Variants in FAR2 observed in about 807,000 individuals in gnomAD.
FAR2 encodes the protein epididymis secretory protein Li 81.
A neutral mutation model predicts 56.0 loss-of-function variants in FAR2; 19 were observed. That is an observed-to-expected ratio of 0.34 (90% CI 0.24 to 0.50). FAR2 has a LOEUF of 0.50. Among genes scored for constraint, FAR2 ranks in the 20% least tolerant of loss-of-function variants. The pLI is 0.98. For missense variants in FAR2, 508 were observed against 642.2 expected (o/e 0.79, Z 2.26); for synonymous variants, 219 against 218.8 (o/e 1.00, Z -0.01).
rs142581077 is a variant in FAR2, at chr12:29,268,810, C to T, written c.-38-1602C>T. ...GAGAGAAATTTTAAAGCTGGGCATC[C>T]GGGGGAGACATCACATGTCGGTAGG... is the stretch of plus-strand genomic sequence containing the variant. On this transcript the variant is annotated intron_variant, in intron 1 of 11. Transcript: ENST00000536681. Among the ~76,000 whole-genome samples the T allele has an allele frequency of 6.7e-3, 1,018 of 152,048 alleles. 11 individuals are homozygous for T. The highest frequency in any genetic ancestry group is 0.022 in the African/African-American group (924 of 41,464).
chr12:29,255,413 G>A (rs1194450684), intron 1 of FAR2, among the ~76,000 whole-genome samples: 1 of 152,100 alleles, frequency 6.6e-6, no homozygotes, highest in African/African-American at 2.4e-5. Context: ...CTATCACACT[G>A]TAGGCTAGGG....
chr12:29,232,871 G>A (rs1273870188), intron 1 of FAR2, among the ~76,000 whole-genome samples: 1 of 150,562 alleles, frequency 6.6e-6, no homozygotes, highest in Admixed American at 6.6e-5. Context: ...ACTCTTCATG[G>A]GAAAATTATT....
At chr12:29,268,313 G>A (rs894384408) in intron 1 of FAR2, among the ~76,000 whole-genome samples, 1 of 152,154 alleles carries the variant, frequency 6.6e-6, no homozygotes, top group African/African-American at 2.4e-5. Context: ...TGGACAGAAA[G>A]GAAGATCTTC....
intron 1 of FAR2, among the ~76,000 whole-genome samples, chr12:29,168,796 G>T (rs964063263): frequency 6.6e-6 from 1 of 152,210 alleles, no homozygotes; most frequent in Non-Finnish European, 1.5e-5. Context: ...AAGAGCAAAA[G>T]AACAAAACTT....
At chr12:29,219,556 T>C (rs1947661006) in intron 1 of FAR2, among the ~76,000 whole-genome samples, 1 of 152,120 alleles carries the variant, frequency 6.6e-6, no homozygotes, top group African/African-American at 2.4e-5. Context: ...ACCTAGGGAA[T>C]CTGCATCATG....
At chr12:29,196,637 G>GGAT in intron 1 of FAR2, among the ~76,000 whole-genome samples, 2 of 152,094 alleles carry the variant, frequency 1.3e-5, no homozygotes, top group Admixed American at 1.3e-4. Flanking sequence ...AGACCTACAT[G>GGAT]TAAGACATGA....
At chr12:29,190,776 G>A (rs545893376) in intron 1 of FAR2, among the ~76,000 whole-genome samples, 10 of 120,194 alleles carry the variant, frequency 8.3e-5, no homozygotes, top group African/African-American at 2.6e-4. Flanking sequence ...ATTCACGGTG[G>A]TTTTTATCTG....
intron 1 of FAR2, among the ~76,000 whole-genome samples, chr12:29,241,204 G>C (rs996926783): frequency 6.6e-6 from 1 of 152,174 alleles, no homozygotes; most frequent in African/African-American, 2.4e-5. Flanking sequence ...GTATGTGTGT[G>C]TACAAATATA....
intron 1 of FAR2, among the ~76,000 whole-genome samples, chr12:29,191,273 C>T (rs1950100968): frequency 1.3e-5 from 2 of 152,244 alleles, no homozygotes; most frequent in South Asian, 4.1e-4. Flanking sequence ...GCATTTCCCC[C>T]ATCTCTACCC....
intron 1 of FAR2, among the ~76,000 whole-genome samples, 163 bp from the exon 2 acceptor site, chr12:29,270,249 T>C (rs1948592566): frequency 6.6e-6 from 1 of 152,228 alleles, no homozygotes. Flanking sequence ...TCAATAAATA[T>C]TGATTGGAAT....
intron 1 of FAR2, among the ~76,000 whole-genome samples, chr12:29,256,684 C>T (rs184136363): frequency 2.0e-5 from 3 of 152,294 alleles, no homozygotes; most frequent in African/African-American, 4.8e-5. Context: ...GTGGCACTTG[C>T]GGGCCAGCTG....
intron 1 of FAR2, among the ~76,000 whole-genome samples, chr12:29,247,149 T>C (rs983344516): frequency 2.0e-5 from 3 of 152,174 alleles, no homozygotes; most frequent in Admixed American, 6.5e-5. Flanking sequence ...ATTTCCAGTT[T>C]ACTATATTAT....
At chr12:29,303,210 G>T (rs972993122) in intron 4 of FAR2, among the ~76,000 whole-genome samples, 8 of 152,164 alleles carry the variant, frequency 5.3e-5, no homozygotes, top group African/African-American at 1.9e-4. Context: ...TAACTCTGCA[G>T]ATGTATTTAG....
intron 2 of FAR2, among the ~76,000 whole-genome samples, chr12:29,284,659 T>C (rs2136732383): frequency 6.6e-6 from 1 of 152,336 alleles, no homozygotes; most frequent in Middle Eastern, 3.4e-3. Flanking sequence ...TATTGAATCC[T>C]TTTGAGACTA....
At chr12:29,251,507 A>G (rs1390785418) in intron 1 of FAR2, among the ~76,000 whole-genome samples, 2 of 152,172 alleles carry the variant, frequency 1.3e-5, no homozygotes, top group Non-Finnish European at 2.9e-5. Context: ...CAGGTGATCA[A>G]TGCAGTTTTA....
chr12:29,175,751 A>G (rs1178010429), intron 1 of FAR2, among the ~76,000 whole-genome samples: 1 of 152,120 alleles, frequency 6.6e-6, no homozygotes, highest in Admixed American at 6.5e-5. Context: ...TGCGTTTACA[A>G]TCCTTTAGCG....
rs368528092 is a variant in FAR2 at position 29,217,669 on chromosome 12, T to C, written c.-38-52743T>C. The stretch of plus-strand genomic sequence containing the variant: ...TGATTGGATTGAAGTAATTAAACTC[T>C]CCCTAGCTGTCTAACAGAGAAAACA... On this transcript the variant is annotated intron_variant, in intron 1 of 11. Coordinates refer to ENST00000536681, the MANE Select transcript of FAR2 (RefSeq NM_001271783.2). Among the ~76,000 whole-genome samples the C allele has an allele frequency of 6.1e-4, 93 of 152,294 alleles. 4 individuals carry two copies. In the South Asian group the frequency reaches 0.015, roughly 25 times the overall value.
intron 2 of FAR2, among the ~76,000 whole-genome samples, chr12:29,285,457 C>T (rs1948858072): frequency 6.6e-6 from 1 of 151,906 alleles, no homozygotes; most frequent in Non-Finnish European, 1.5e-5. Flanking sequence ...AAGCAGTTTT[C>T]AGTTTTCCTG....
chr12:29,231,423 T>G (rs1193223083), intron 1 of FAR2, among the ~76,000 whole-genome samples: 1 of 152,122 alleles, frequency 6.6e-6, no homozygotes. Context: ...AAAACTGGAA[T>G]AGGACCAGGG....
Sources: gnomAD v4.1 joint callset for allele counts (sites outside exome capture counted in the v4.1 genomes callset) on GRCh38, gnomAD v4.1.1 for gene constraint, MANE v1.5 for transcripts, NCBI Gene and HGNC (gene_info 2026-07-23, HGNC 2026-07-21) for gene names.